RAB11FIP3: variants seen among roughly 807,000 people sequenced by gnomAD.
RAB11FIP3 encodes the protein rab11 family-interacting protein 3.
In RAB11FIP3, 17 loss-of-function variants were observed where a neutral mutation model predicts 77.8. The observed-to-expected ratio is 0.22, with a 90% confidence interval of 0.15 to 0.33. RAB11FIP3 has a LOEUF of 0.33. RAB11FIP3 is among the 10% of genes least tolerant of loss of function. The pLI is 1.00. For missense variants in RAB11FIP3, 1,005 were observed against 1,011.2 expected (o/e 0.99, Z 0.08); for synonymous variants, 437 against 448.2 (o/e 0.98, Z 0.31).
intron 3 of RAB11FIP3, among the ~76,000 whole-genome samples, chr16:478,296 G>A (rs1382444474): frequency 3.3e-5 from 5 of 151,746 alleles, no homozygotes; most frequent in South Asian, 2.1e-4. Flanking sequence ...GGGTTCAAGC[G>A]ATTCTCCTGT....
chr16:466,408 A>G (rs1425493744), intron 2 of RAB11FIP3, among the ~76,000 whole-genome samples: 1 of 152,118 alleles, frequency 6.6e-6, no homozygotes, highest in South Asian at 2.1e-4. Context: ...GTTCCTGTGG[A>G]CCATGGCTAA....
intron 3 of RAB11FIP3, among the ~76,000 whole-genome samples, chr16:474,375 A>G (rs916942552): frequency 2.6e-5 from 4 of 152,124 alleles, no homozygotes; most frequent in Admixed American, 6.6e-5. Context: ...GCTGGCTCGC[A>G]CTGTTTTCCC....
intron 6 of RAB11FIP3, 157 bp from the exon 7 acceptor site, chr16:502,847 C>CT: frequency 1.5e-6 from 1 of 674,042 alleles, no homozygotes; most frequent in Non-Finnish European, 2.6e-6. Flanking sequence ...GTATATAGTG[C>CT]TTTAAGTGGG....
intron 5 of RAB11FIP3, among the ~76,000 whole-genome samples, chr16:491,957 C>T (rs367551387): frequency 2.5e-4 from 38 of 152,260 alleles, no homozygotes; most frequent in South Asian, 4.1e-4. Context: ...CAATCTGGGA[C>T]GGCTTCCTGA....
At chr16:477,151 G>A (rs2055930822) in intron 3 of RAB11FIP3, among the ~76,000 whole-genome samples, 1 of 151,836 alleles carries the variant, frequency 6.6e-6, no homozygotes, top group African/African-American at 2.4e-5. Context: ...CTACTTGGGA[G>A]GCTGAGGCAG....
intron 1 of RAB11FIP3, among the ~76,000 whole-genome samples, chr16:460,520 G>C (rs962489210): frequency 6.6e-6 from 1 of 151,010 alleles, no homozygotes; most frequent in Non-Finnish European, 1.5e-5. Context: ...ACACTTGGCA[G>C]AATAAACCTG....
At position 510,441 on chromosome 16, in the gene RAB11FIP3, C is replaced by T. The variant is rs146599864; in HGVS notation, c.1500-219C>T. 337 of 549,548 alleles carry T rather than the reference C, an allele frequency of 6.1e-4. 1 individual carries two copies. Among genetic ancestry groups the T allele is most frequent in the South Asian group, 2.2e-3 (99 of 45,522 alleles). The allele number at this position is 549,548 out of a possible 1,614,324, so 34.0% of individuals were successfully genotyped here. ...GGCCTAGGTGCAGTGGACACTGCTC[C>T]GGCCACCCCAGGTGCCTTTAGTGTG... On this transcript the variant is annotated intron_variant, in intron 8 of 13. Coordinates refer to ENST00000262305, the MANE Select transcript of RAB11FIP3 (RefSeq NM_014700.4).
chr16:472,274 G>A lies in RAB11FIP3; in HGVS notation c.903+885G>A, dbSNP rs2055822844. ...ATTAGTCACCCTCACCCTTGGGTGGGCAGCTTAACTTCTGCCCACACAGAC... is the reference window on the plus strand; with the variant it reads ...ATTAGTCACCCTCACCCTTGGGTGGACAGCTTAACTTCTGCCCACACAGAC... On this transcript the variant is annotated intron_variant, in intron 3 of 13. Coordinates refer to ENST00000262305, the MANE Select transcript of RAB11FIP3 (RefSeq NM_014700.4). This position sits in a 1 kb window ranked among gnomAD's most constrained non-coding sequence, Gnocchi z 4.1. Among the ~76,000 whole-genome samples the A allele has an allele frequency of 6.6e-6, 1 of 152,242 alleles. No homozygotes were observed. The highest frequency in any genetic ancestry group is 2.4e-5 in the African/African-American group (1 of 41,474).
intron 5 of RAB11FIP3, among the ~76,000 whole-genome samples, chr16:492,279 G>C (rs1056726260): frequency 1.1e-4 from 16 of 151,362 alleles, no homozygotes; most frequent in Admixed American, 5.3e-4. Flanking sequence ...ATGGGGGTGG[G>C]GCCCGGCACT....
chr16:492,423 CT>C lies in RAB11FIP3; in HGVS notation c.1265+3424del, dbSNP rs1235611463. On this transcript the variant is annotated intron_variant, in intron 5 of 13. Coordinates refer to ENST00000262305, the MANE Select transcript of RAB11FIP3 (RefSeq NM_014700.4). ...GGGAGACCCGAGGCCGCCCAGGGCCCTCCCCGGGAGACCCGAGGCCGCCCAG... is the reference window on the plus strand; with the variant it reads ...GGGAGACCCGAGGCCGCCCAGGGCCCCCCCGGGAGACCCGAGGCCGCCCAG... Among the ~76,000 whole-genome samples, 85 of 132,002 alleles carry C rather than the reference CT, an allele frequency of 6.4e-4. 3 individuals carry two copies. Among genetic ancestry groups the C allele is most frequent in the African/African-American group, 2.2e-3 (70 of 31,246 alleles). 86.6% of individuals were successfully genotyped at this position (132,002 alleles called of 152,430 possible). A position where few individuals can be genotyped will look rare whatever the true frequency, so the allele number is the denominator to read the frequency against.
chr16:459,635 C>A (rs915182956), intron 1 of RAB11FIP3, among the ~76,000 whole-genome samples: 11 of 151,710 alleles, frequency 7.3e-5, no homozygotes, highest in African/African-American at 2.7e-4. Context: ...TGGGGTTTTG[C>A]CATGTTGGCC....
rs2055819043 is a variant in RAB11FIP3, at chr16:472,053, G to T, written c.903+664G>T. On this transcript the variant is annotated intron_variant, in intron 3 of 13. Coordinates refer to ENST00000262305, the MANE Select transcript of RAB11FIP3 (RefSeq NM_014700.4). The surrounding 1 kb of genome is among the most constrained non-coding windows in gnomAD (Gnocchi z 4.1). The stretch of plus-strand genomic sequence containing the variant: ...AGCCGCCAGTCCTGGTCAGCCTGCT[G>T]CCGAGCAAGGGTACCAGAAGTGGGG... 6.6e-6 allele frequency among the ~76,000 whole-genome samples: 1 copy of T among 152,236 alleles called. No individual in the cohort carries two copies. Among genetic ancestry groups the T allele is most frequent in the Non-Finnish European group, 1.5e-5 (1 of 68,046 alleles).
intron 9 of RAB11FIP3, among the ~76,000 whole-genome samples, chr16:515,467 G>A (rs1038556471): frequency 6.6e-6 from 1 of 152,110 alleles, no homozygotes; most frequent in Non-Finnish European, 1.5e-5. Flanking sequence ...TTTGCATCTC[G>A]GAGCAGCCAC....
intron 6 of RAB11FIP3, among the ~76,000 whole-genome samples, chr16:500,259 C>T (rs2031417033): frequency 1.3e-5 from 2 of 152,248 alleles, no homozygotes; most frequent in Non-Finnish European, 2.9e-5. Context: ...CCTCCTTGCT[C>T]ACCAGCCAGG....
chr16:467,344 G>A (rs1189001458), intron 2 of RAB11FIP3, among the ~76,000 whole-genome samples: 1 of 152,220 alleles, frequency 6.6e-6, no homozygotes, highest in East Asian at 1.9e-4. Context: ...GCTGGTGTGA[G>A]GGGTGGGACA....
rs777345091 is a variant in RAB11FIP3, at chr16:505,615, A to G, written c.1487A>G (p.Gln496Arg). The G allele has an allele frequency of 6.3e-7, 1 of 1,598,732 alleles. No homozygotes were observed. The highest frequency in any genetic ancestry group is 8.5e-7 in the Non-Finnish European group (1 of 1,178,402). The part of the protein sequence containing the change: ...QHSRLRQENL[Q>R]LVHRANALEE... The stretch of plus-strand genomic sequence containing the variant: ...AGCCGCCTGAGGCAGGAGAACCTGC[A>G]GCTGGTGCACAGGTGAGCCTGGGCC... Residue 496 changes from glutamine to arginine, a missense_variant, in exon 8 of 14, where the codon CAG (glutamine) becomes CGG (arginine). Coordinates refer to ENST00000262305, the MANE Select transcript of RAB11FIP3 (RefSeq NM_014700.4). This position sits in a 1 kb window ranked among gnomAD's most constrained non-coding sequence, Gnocchi z 4.0.
intron 7 of RAB11FIP3, among the ~76,000 whole-genome samples, chr16:504,016 TA>T (rs2031682931): frequency 5.0e-5 from 1 of 19,892 alleles, no homozygotes; most frequent in Non-Finnish European, 9.4e-5. Flanking sequence ...ACCCCCTCAC[TA>T]CCTCCTGTAC....
intron 2 of RAB11FIP3, among the ~76,000 whole-genome samples, chr16:465,681 C>T (rs2055690375): frequency 1.3e-5 from 2 of 151,022 alleles, no homozygotes; most frequent in African/African-American, 2.4e-5. Flanking sequence ...GTGATCTCGG[C>T]TCACTGCAAC....
Position 425,964 on chromosome 16 carries a change from G to C in RAB11FIP3, c.-43G>C. On this transcript the variant is annotated 5_prime_UTR_variant, in exon 1 of 14. Coordinates refer to ENST00000262305, the MANE Select transcript of RAB11FIP3 (RefSeq NM_014700.4). The stretch of plus-strand genomic sequence containing the variant: ...CCGCCGCCGCGCCCTGAGCGCCTTT[G>C]TCTGCCGCCCGCGCCCTTCCGCACC... The C allele has an allele frequency of 8.9e-6, 7 of 785,282 alleles. No homozygotes were observed. Among genetic ancestry groups the C allele is most frequent in the Non-Finnish European group, 1.0e-5 (7 of 697,942 alleles). The allele number at this position is 785,282 out of a possible 1,614,324, so 48.6% of individuals were successfully genotyped here.
Sources: allele counts gnomAD v4.1 joint callset (sites outside exome capture counted in the v4.1 genomes callset), GRCh38; gene constraint gnomAD v4.1.1; non-coding constraint Gnocchi (gnomAD v3.1); transcripts MANE v1.5; gene names NCBI Gene and HGNC (gene_info 2026-07-23, HGNC 2026-07-21).